NALF1: variants seen among roughly 807,000 people sequenced by gnomAD.
NALF1 encodes NALCN channel auxiliary factor 1.
A neutral mutation model predicts 48.4 loss-of-function variants in NALF1; 3 were observed. The ratio of observed to expected loss-of-function variants is 0.06; its 90% CI spans 0.03 to 0.16. The LOEUF is 0.16. Among genes scored for constraint, NALF1 ranks in the 10% least tolerant of loss-of-function variants. NALF1 has a pLI of 1.00. For missense variants in NALF1, 526 were observed against 571.5 expected, an observed-to-expected ratio of 0.92 and a Z score of 0.81; for synonymous variants, 262 against 245.7, an observed-to-expected ratio of 1.07 and a Z score of -0.62.
At chr13:107,189,270 T>C (rs755878065) in intron 2 of NALF1, among the ~76,000 whole-genome samples, 1 of 152,126 alleles carries the variant, frequency 6.6e-6, no homozygotes. Context: ...TAAACAGAAA[T>C]CTAACACACA....
At chr13:107,471,150 A>G (rs1337742805) in intron 1 of NALF1, among the ~76,000 whole-genome samples, 3 of 136,850 alleles carry the variant, frequency 2.2e-5, no homozygotes, top group Admixed American at 2.2e-4. Flanking sequence ...TCTAGACTGT[A>G]TAACTTATGG....
chr13:107,515,265 G>C (rs1876019978), intron 1 of NALF1, among the ~76,000 whole-genome samples: 2 of 152,168 alleles, frequency 1.3e-5, no homozygotes, highest in African/African-American at 4.8e-5. Flanking sequence ...AGATTGGAAA[G>C]GTTAGGTGTG....
chr13:107,855,692 A>T (rs1339098893), intron 1 of NALF1, among the ~76,000 whole-genome samples: 3 of 152,188 alleles, frequency 2.0e-5, no homozygotes, highest in African/African-American at 7.2e-5. Context: ...AACCCAAGAG[A>T]TTAAGAGCCA....
chr13:107,218,840 T>C (rs1879932797), intron 1 of NALF1, among the ~76,000 whole-genome samples: 1 of 152,240 alleles, frequency 6.6e-6, no homozygotes, highest in South Asian at 2.1e-4. Flanking sequence ...CAAAGTATAT[T>C]TTATAGCTGT....
At chr13:107,271,807 TATATATA>T (rs1566470762) in intron 1 of NALF1, among the ~76,000 whole-genome samples, 2,133 of 46,984 alleles carry the variant, frequency 0.045, 93 homozygotes, top group African/African-American at 0.089. Flanking sequence ...TATATATATA[TATATATA>T]TATTTATATA....
At chr13:107,844,280 T>C (rs1880116121) in intron 1 of NALF1, among the ~76,000 whole-genome samples, 1 of 152,050 alleles carries the variant, frequency 6.6e-6, no homozygotes, top group South Asian at 2.1e-4. Flanking sequence ...CAAGAGAATC[T>C]TATGAAACAA....
chr13:107,711,534 C>T (rs1301685573), intron 1 of NALF1, among the ~76,000 whole-genome samples: 1 of 152,140 alleles, frequency 6.6e-6, no homozygotes, highest in Admixed American at 6.5e-5. Flanking sequence ...CAGGGTTTCG[C>T]CATGTTGGCC....
chr13:107,782,477 C>T (rs1356410277), intron 1 of NALF1, among the ~76,000 whole-genome samples: 5 of 152,128 alleles, frequency 3.3e-5, no homozygotes, highest in East Asian at 1.9e-4. Context: ...GCCGCCACCC[C>T]GTCTAGGAAG....
intron 2 of NALF1, among the ~76,000 whole-genome samples, chr13:107,192,464 A>T (rs1879303446): frequency 6.6e-6 from 1 of 152,214 alleles, no homozygotes; most frequent in Non-Finnish European, 1.5e-5. Context: ...TTGAGTCAAC[A>T]CCACTAGAGG....
chr13:107,230,461 G>T (rs943328538), intron 1 of NALF1, among the ~76,000 whole-genome samples: 33 of 152,086 alleles, frequency 2.2e-4, no homozygotes, highest in South Asian at 1.2e-3. Context: ...TATATTGATT[G>T]TGAATATATT....
chr13:107,256,420 T>C (rs747254105), intron 1 of NALF1, among the ~76,000 whole-genome samples: 3 of 152,212 alleles, frequency 2.0e-5, no homozygotes, highest in Non-Finnish European at 4.4e-5. Flanking sequence ...TATGATTTTG[T>C]TGACCGTCTA....
chr13:107,705,680 T>A (rs1881931703), intron 1 of NALF1, among the ~76,000 whole-genome samples: 1 of 152,120 alleles, frequency 6.6e-6, no homozygotes, highest in South Asian at 2.1e-4. Context: ...ATTATCCCTA[T>A]GATTTGTTCC....
intron 1 of NALF1, among the ~76,000 whole-genome samples, chr13:107,476,170 A>G (rs1230814728): frequency 1.3e-5 from 2 of 152,214 alleles, no homozygotes; most frequent in Non-Finnish European, 2.9e-5. Context: ...TTTGGATTAC[A>G]AAGAGTGTCC....
At chr13:107,305,890 T>G (rs1240127725) in intron 1 of NALF1, among the ~76,000 whole-genome samples, 1 of 152,224 alleles carries the variant, frequency 6.6e-6, no homozygotes, top group East Asian at 1.9e-4. Flanking sequence ...ATGTGTAGGT[T>G]ACACCAGAAC....
intron 1 of NALF1, among the ~76,000 whole-genome samples, chr13:107,615,152 C>T (rs182605893): frequency 1.6e-4 from 24 of 152,316 alleles, no homozygotes; most frequent in Admixed American, 1.1e-3. Flanking sequence ...TTGACATAAA[C>T]TTGACCTATT....
At chr13:107,436,761 TAA>T (rs1884469929) in intron 1 of NALF1, among the ~76,000 whole-genome samples, 1 of 152,110 alleles carries the variant, frequency 6.6e-6, no homozygotes, top group Non-Finnish European at 1.5e-5. Context: ...CAAAAAAGCA[TAA>T]AGTTTAGAAA....
Position 107,289,291 on chromosome 13 carries a change from C to T in NALF1, c.916-78536G>A, listed in dbSNP as rs1043421751. 2.3e-4 allele frequency among the ~76,000 whole-genome samples: 35 copies of T among 152,286 alleles called. 1 individual carries two copies. Among genetic ancestry groups the T allele is most frequent in the South Asian group, 2.1e-4 (1 of 4,824 alleles). ...ACACTATGTTGTATATTTACACATG[C>T]CTTGTCTATTTACCCACTAAAATAT... On this transcript the variant is annotated intron_variant, in intron 1 of 2. Transcript: ENST00000375915.
chr13:107,687,617 T>G (rs1881467666), intron 1 of NALF1, among the ~76,000 whole-genome samples: 1 of 152,004 alleles, frequency 6.6e-6, no homozygotes, highest in Non-Finnish European at 1.5e-5. Flanking sequence ...ATATTCTTAT[T>G]GAATTGGGAT....
At chr13:107,182,226 C>CTCTGTGTGTGTG (rs1555325193) in intron 2 of NALF1, among the ~76,000 whole-genome samples, 2 of 145,160 alleles carry the variant, frequency 1.4e-5, no homozygotes, top group African/African-American at 5.2e-5. Flanking sequence ...TTTATTTATG[C>CTCTGTGTGTGTG]TGTGTGTGTG....
Sources: allele counts gnomAD v4.1 joint callset (sites outside exome capture counted in the v4.1 genomes callset), GRCh38; gene constraint gnomAD v4.1.1; transcripts MANE v1.5; gene names NCBI Gene and HGNC (gene_info 2026-07-23, HGNC 2026-07-21).